Variants in ATP6V0A4 observed in about 807,000 individuals in gnomAD.
ATP6V0A4 encodes V-type proton ATPase 116 kDa subunit a 4.
In ATP6V0A4, 86 loss-of-function variants were observed where a neutral mutation model predicts 107.3. The observed-to-expected ratio is 0.80, with a 90% confidence interval of 0.67 to 0.96. The LOEUF (loss-of-function observed/expected upper bound fraction) is 0.96, where lower values mean the gene tolerates loss of function less well. Ranked by LOEUF, ATP6V0A4 falls within the 40% of genes least tolerant of loss-of-function variation. ATP6V0A4 has a pLI of 0.00. For synonymous variants in ATP6V0A4, 353 were observed against 381.4 expected (o/e 0.93, Z 0.87); for missense variants, 908 against 1,045.6 (o/e 0.87, Z 1.81).
intron 14 of ATP6V0A4, 54 bp downstream of exon 14, chr7:138,745,069 C>T (rs1310785956): frequency 2.6e-6 from 4 of 1,517,400 alleles, no homozygotes; most frequent in Admixed American, 3.3e-5. Context: ...TGAAAACAGT[C>T]ACTGAGGCCA....
At chr7:138,795,775 A>G (rs1414484483) in intron 1 of ATP6V0A4, among the ~76,000 whole-genome samples, 2 of 151,828 alleles carry the variant, frequency 1.3e-5, no homozygotes, top group South Asian at 2.1e-4. Flanking sequence ...TGAGTAGCTG[A>G]GACTACAGGT....
At chr7:138,718,207 TGTGTGTGTGTGTGTGTGTGTGTGCGC>T (rs2117201170) in intron 19 of ATP6V0A4, among the ~76,000 whole-genome samples, 1 of 26,732 alleles carries the variant, frequency 3.7e-5, no homozygotes, top group Non-Finnish European at 6.6e-5. Context: ...AATGGGTGTG[TGTGTGTGTGTGTGTGTGTGTGTGCGC>T]GCAGTTATGG....
chr7:138,769,312 C>CTT lies in ATP6V0A4; in HGVS notation c.118-63_118-62dup, dbSNP rs540481545. ...GCAACAGCTGCCAATAGATTTCTTTCTTTTTTTTTTTTTTTTTTTGAGACT... is the reference window on the plus strand; with the variant it reads ...GCAACAGCTGCCAATAGATTTCTTTCTTTTTTTTTTTTTTTTTTTTTGAGACT... On this transcript the variant is annotated intron_variant, in intron 3 of 21. Transcript: ENST00000310018. The CTT allele has an allele frequency of 0.026, 33,814 of 1,293,200 alleles. 119 individuals are homozygous for CTT. The highest frequency in any genetic ancestry group is 0.071 in the African/African-American group (3,985 of 56,424). The allele number at this position is 1,293,200 out of a possible 1,614,324, so 80.1% of individuals were successfully genotyped here. A position where few individuals can be genotyped will look rare whatever the true frequency, so the allele number is the denominator to read the frequency against.
intron 15 of ATP6V0A4, among the ~76,000 whole-genome samples, chr7:138,735,297 G>C (rs1045355528): frequency 7.9e-5 from 12 of 152,080 alleles, no homozygotes; most frequent in Non-Finnish European, 1.5e-4. Context: ...TCCTTCCCCT[G>C]TCCCCACCTG....
intron 21 of ATP6V0A4, among the ~76,000 whole-genome samples, chr7:138,708,381 C>T (rs1165130413): frequency 6.6e-6 from 1 of 152,164 alleles, no homozygotes; most frequent in East Asian, 1.9e-4. Flanking sequence ...AGTTCAGTTC[C>T]TCTCCTCAAT....
intron 2 of ATP6V0A4, among the ~76,000 whole-genome samples, chr7:138,780,395 G>A (rs773671454): frequency 7.2e-5 from 11 of 152,132 alleles, no homozygotes; most frequent in Non-Finnish European, 1.5e-4. Context: ...GGAGGCTCAG[G>A]TGGAAATGCC....
At position 138,798,103 on chromosome 7, in the gene ATP6V0A4, G is replaced by C. The variant is rs1232412899; in HGVS notation, c.-190C>G. Reference sequence around the variant, plus strand: ...CACCGGGCACTCAGCACAGCCTCCAGCATGCAGCGCCTCCCCGCTGCCACC... The same window carrying C: ...CACCGGGCACTCAGCACAGCCTCCACCATGCAGCGCCTCCCCGCTGCCACC... On this transcript the variant is annotated 5_prime_UTR_variant, in exon 1 of 22. Coordinates refer to ENST00000310018, the MANE Select transcript of ATP6V0A4 (RefSeq NM_020632.3). 1.3e-6 allele frequency: 2 copies of C among 1,595,956 alleles called. No individual in the cohort carries two copies. The highest frequency in any genetic ancestry group is 1.3e-5 in the African/African-American group (1 of 74,702).
intron 1 of ATP6V0A4, among the ~76,000 whole-genome samples, chr7:138,792,914 T>C (rs111480273): frequency 2.1e-3 from 320 of 152,068 alleles, no homozygotes; most frequent in African/African-American, 7.4e-3. Context: ...GGGAAAATGA[T>C]TTAGCATGCC....
intron 11 of ATP6V0A4, 56 bp downstream of exon 11, chr7:138,752,569 G>A: frequency 6.2e-7 from 1 of 1,601,510 alleles, no homozygotes; most frequent in Non-Finnish European, 8.5e-7. Flanking sequence ...CACCCTCTGA[G>A]AGCCCAGCAG....
At chr7:138,750,633 T>C (rs1806175289) in intron 11 of ATP6V0A4, among the ~76,000 whole-genome samples, 1 of 152,178 alleles carries the variant, frequency 6.6e-6, no homozygotes, top group Non-Finnish European at 1.5e-5. Flanking sequence ...GTGCTCACGG[T>C]CCCAGCTTCA....
At chr7:138,785,484 C>T (rs966933907) in intron 2 of ATP6V0A4, among the ~76,000 whole-genome samples, 3 of 151,922 alleles carry the variant, frequency 2.0e-5, no homozygotes, top group African/African-American at 7.3e-5. Flanking sequence ...ACCATGTTGG[C>T]CAGGCTGGTC....
At chr7:138,707,298 ATATATTTATATTTATT>A (rs1264080499) in intron 21 of ATP6V0A4, among the ~76,000 whole-genome samples, 2 of 78,942 alleles carry the variant, frequency 2.5e-5, no homozygotes, top group African/African-American at 1.1e-4. Flanking sequence ...TATATTATAA[ATATATTTATATTTATT>A]TATATTTATA....
intron 14 of ATP6V0A4, among the ~76,000 whole-genome samples, 157 bp downstream of exon 14, chr7:138,744,966 G>A (rs1398330480): frequency 6.6e-6 from 1 of 152,216 alleles, no homozygotes; most frequent in African/African-American, 2.4e-5. Context: ...GCCTCCCAGA[G>A]CACTGGGATT....
At chr7:138,775,713 C>T (rs927821241) in intron 2 of ATP6V0A4, among the ~76,000 whole-genome samples, 5 of 144,820 alleles carry the variant, frequency 3.5e-5, no homozygotes, top group Admixed American at 1.4e-4. Flanking sequence ...TGCAGTGGCG[C>T]GATCTCGGCT....
intron 16 of ATP6V0A4, among the ~76,000 whole-genome samples, chr7:138,733,605 G>T (rs1358604051): frequency 1.8e-5 from 2 of 113,594 alleles, no homozygotes; most frequent in East Asian, 5.6e-4. Flanking sequence ...TTGAGATGGA[G>T]TCTTACTCTG....
Position 138,768,800 on chromosome 7 carries a change from G to C in ATP6V0A4, c.271C>G (p.Arg91Gly). The change falls in exon 5 of 22, where the codon CGG becomes GGG. Residue 91 changes from arginine to glycine, a missense_variant. By Grantham distance (125) the Arg-to-Gly change is moderately radical. Coordinates refer to ENST00000310018, the MANE Select transcript of ATP6V0A4 (RefSeq NM_020632.3). ...LEKSPLTPLP[R>G]EMITLETVLE... ...CTTACCTCCAGGGTAATCATTTCCC[G>C]TGGGAGCGGGGTCAGTGGGCTTTTC... 6.2e-7 allele frequency: 1 copy of C among 1,614,164 alleles called. No individual in the cohort carries two copies. Among genetic ancestry groups the C allele is most frequent in the Non-Finnish European group, 8.5e-7 (1 of 1,180,016 alleles).
intron 21 of ATP6V0A4, among the ~76,000 whole-genome samples, chr7:138,707,046 C>A (rs1198808454): frequency 1.9e-5 from 2 of 107,062 alleles, no homozygotes; most frequent in Non-Finnish European, 3.6e-5. Flanking sequence ...TAGGCATATA[C>A]CACCATGCCT....
intron 2 of ATP6V0A4, among the ~76,000 whole-genome samples, chr7:138,778,843 T>C (rs534880018): frequency 9.3e-4 from 142 of 152,170 alleles, no homozygotes; most frequent in Non-Finnish European, 1.6e-3. Context: ...AGAAGAAACC[T>C]AATCAGAACT....
chr7:138,708,348 A>G (rs1411428508), intron 21 of ATP6V0A4, among the ~76,000 whole-genome samples: 1 of 152,074 alleles, frequency 6.6e-6, no homozygotes, highest in East Asian at 1.9e-4. Flanking sequence ...GCCCAGCCTC[A>G]TTTATGTTTT....
Sources: gnomAD v4.1 joint callset for allele counts (sites outside exome capture counted in the v4.1 genomes callset) on GRCh38, gnomAD v4.1.1 for gene constraint, MANE v1.5 for transcripts, NCBI Gene and HGNC (gene_info 2026-07-23, HGNC 2026-07-21) for gene names.